The following CNOT1 variants were observed in gnomAD, a reference collection of about 807,000 sequenced individuals.
CNOT1 encodes the protein CCR4-NOT transcription complex subunit 1.
Under a neutral mutation model 273.8 loss-of-function variants are expected in CNOT1, and 15 were observed. That is an observed-to-expected ratio of 0.05 (90% confidence interval 0.04 to 0.08). CNOT1 has a LOEUF of 0.08. CNOT1 is among the 10% of genes least tolerant of loss of function. CNOT1 has a pLI of 1.00. For missense variants in CNOT1, 1,644 were observed against 2,912.2 expected (o/e 0.56, Z 10.02); for synonymous variants, 1,022 against 1,005.5 (o/e 1.02, Z -0.31).
At chr16:58,618,792 T>C (rs138769364) in intron 1 of CNOT1, among the ~76,000 whole-genome samples, 3 of 152,346 alleles carry the variant, frequency 2.0e-5, no homozygotes, top group East Asian at 3.9e-4. Context: ...TTGCTTTTTA[T>C]ATACACATAT....
intron 16 of CNOT1, among the ~76,000 whole-genome samples, chr16:58,566,379 T>C (rs2041042957): frequency 6.6e-6 from 1 of 152,214 alleles, no homozygotes; most frequent in Admixed American, 6.5e-5. Context: ...TATTAAATTT[T>C]TCAACAAGTA....
intron 10 of CNOT1, 54 bp from the exon 11 acceptor site, chr16:58,581,569 C>T (rs925868887): frequency 1.0e-5 from 15 of 1,476,846 alleles, no homozygotes; most frequent in Non-Finnish European, 1.3e-5. Context: ...TATTTTGATA[C>T]ATTATCCAAA....
chr16:58,594,409 G>A (rs1440226820), intron 2 of CNOT1, among the ~76,000 whole-genome samples: 1 of 152,156 alleles, frequency 6.6e-6, no homozygotes, highest in Non-Finnish European at 1.5e-5. Context: ...AATGAACCCA[G>A]GCATTTCTTC....
chr16:58,578,224 T>C (rs2041529354), intron 13 of CNOT1, among the ~76,000 whole-genome samples: 2 of 152,124 alleles, frequency 1.3e-5, no homozygotes, highest in South Asian at 4.1e-4. Context: ...GAGGCCGAGG[T>C]GGGTGGATCA....
intron 2 of CNOT1, among the ~76,000 whole-genome samples, chr16:58,589,374 A>G (rs113571835): frequency 0.36 from 55,192 of 152,022 alleles, 11,056 homozygotes; most frequent in Non-Finnish European, 0.46. Flanking sequence ...TTAGCCAAGC[A>G]TGGTGATGGG....
intron 1 of CNOT1, among the ~76,000 whole-genome samples, chr16:58,610,878 T>C (rs1389886175): frequency 7.4e-5 from 11 of 149,232 alleles, no homozygotes; most frequent in Non-Finnish European, 1.6e-4. Context: ...AAACAAAAAA[T>C]ACAAAAAAAT....
intron 31 of CNOT1, chr16:58,543,146 A>T: frequency 7.3e-7 from 1 of 1,378,982 alleles, no homozygotes. Flanking sequence ...TTAAAGCAGT[A>T]AACAAATTAT....
At chr16:58,605,466 A>G (rs2042643178) in intron 1 of CNOT1, among the ~76,000 whole-genome samples, 3 of 152,004 alleles carry the variant, frequency 2.0e-5, no homozygotes, top group African/African-American at 4.8e-5. Context: ...TTATGCCACC[A>G]CTGCACTCCA....
At chr16:58,620,087 T>C (rs2043254550) in intron 1 of CNOT1, among the ~76,000 whole-genome samples, 1 of 152,188 alleles carries the variant, frequency 6.6e-6, no homozygotes, top group African/African-American at 2.4e-5. Context: ...CCAAGAATGC[T>C]ATATTCTATC....
In CNOT1 at chr16:58,587,184, T is replaced by C. The variant is rs2041903767; in HGVS notation, c.433+17A>G. On this transcript the variant is annotated intron_variant, in intron 6 of 48. Coordinates refer to ENST00000317147, the MANE Select transcript of CNOT1 (RefSeq NM_016284.5). ...TTAAAGTCTCACTTCGTGATATTTT[T>C]GGAAAAAGTAACTCACCGAAACCTC... The C allele has an allele frequency of 6.2e-7, 1 of 1,609,168 alleles. No individual in the cohort carries two copies. The highest frequency in any genetic ancestry group is 8.5e-7 in the Non-Finnish European group (1 of 1,178,868).
chr16:58,538,717 T>C (rs1567392842), intron 36 of CNOT1, 55 bp downstream of exon 36: 1 of 1,602,394 alleles, frequency 6.2e-7, no homozygotes, highest in Non-Finnish European at 8.5e-7. Context: ...GTACTATCTA[T>C]GTCAAAAGGC....
At chr16:58,596,616 A>G (rs1244361610) in intron 2 of CNOT1, among the ~76,000 whole-genome samples, 1 of 152,114 alleles carries the variant, frequency 6.6e-6, no homozygotes, top group East Asian at 1.9e-4. Flanking sequence ...CGCTGGGCAC[A>G]GTGGCTCATG....
intron 1 of CNOT1, among the ~76,000 whole-genome samples, chr16:58,603,165 T>A (rs2042534862): frequency 6.6e-6 from 1 of 152,198 alleles, no homozygotes; most frequent in South Asian, 2.1e-4. Context: ...TCTAACTTCA[T>A]CTCCCTGCTA....
chr16:58,543,586 C>G (rs1235001057), intron 31 of CNOT1, 21 bp downstream of exon 31: 1 of 1,614,032 alleles, frequency 6.2e-7, no homozygotes, highest in Admixed American at 1.7e-5. Context: ...TGTACCTATA[C>G]CAAGGAAATA....
At chr16:58,603,453 GTGTGTGTGTC>G (rs2042554620) in intron 1 of CNOT1, among the ~76,000 whole-genome samples, 4 of 130,986 alleles carry the variant, frequency 3.1e-5, no homozygotes, top group Non-Finnish European at 3.2e-5. Context: ...GTGTGTGTGT[GTGTGTGTGTC>G]TAAAACTCAG....
At chr16:58,539,624 GAAAA>G in intron 35 of CNOT1, 140 bp downstream of exon 35, 2 of 681,136 alleles carry the variant, frequency 2.9e-6, no homozygotes, top group African/African-American at 1.9e-5. Context: ...TTCTACGTTG[GAAAA>G]AAAAAAAATC....
At chr16:58,571,467 G>A (rs2041271807) in intron 16 of CNOT1, among the ~76,000 whole-genome samples, 1 of 152,102 alleles carries the variant, frequency 6.6e-6, no homozygotes, top group South Asian at 2.1e-4. Flanking sequence ...GGCTGAGGCA[G>A]GAAAATCAAT....
At chr16:58,587,758 T>A (rs375212265) in intron 4 of CNOT1, 22 bp downstream of exon 4, 643 of 1,610,624 alleles carry the variant, frequency 4.0e-4, no homozygotes, top group Non-Finnish European at 5.0e-4. Context: ...ATCACACTCT[T>A]AAAGATAATA....
chr16:58,545,048 A>G (rs1253711557), intron 30 of CNOT1, among the ~76,000 whole-genome samples: 1 of 152,250 alleles, frequency 6.6e-6, no homozygotes, highest in Non-Finnish European at 1.5e-5. Context: ...ATAAAAAGCT[A>G]TGATATACAT....
Sources: allele counts gnomAD v4.1 joint callset (sites outside exome capture counted in the v4.1 genomes callset), GRCh38; gene constraint gnomAD v4.1.1; transcripts MANE v1.5; gene names NCBI Gene and HGNC (gene_info 2026-07-23, HGNC 2026-07-21).